ZKSCAN2: variants seen among roughly 807,000 people sequenced by gnomAD.
ZKSCAN2 encodes zinc finger with KRAB and SCAN domains 2.
A neutral mutation model predicts 90.5 loss-of-function variants in ZKSCAN2; 38 were observed. The observed-to-expected ratio is 0.42, with a 90% CI of 0.32 to 0.55. The LOEUF (loss-of-function observed/expected upper bound fraction) is 0.55. Among genes scored for constraint, ZKSCAN2 ranks in the 20% least tolerant of loss-of-function variants. The pLI, the probability that ZKSCAN2 is intolerant of heterozygous loss-of-function variation, is 0.11. For synonymous variants in ZKSCAN2, 429 were observed against 421.6 expected (o/e 1.02, Z -0.22); for missense variants, 1,167 against 1,202.6 (o/e 0.97, Z 0.44).
chr16:25,243,911 A>T lies in ZKSCAN2; in HGVS notation c.1855T>A (p.Trp619Arg), dbSNP rs1393650192. The T allele has an allele frequency of 6.2e-7, 1 of 1,614,024 alleles. No homozygotes were observed. Among genetic ancestry groups the T allele is most frequent in the Non-Finnish European group, 8.5e-7 (1 of 1,180,030 alleles). Residue 619 changes from tryptophan (W) to arginine (R), a missense_variant, in exon 6 of 7, where the codon TGG becomes AGG. Transcript: ENST00000328086. ...IEVEPQEPTG[W>R]EPEETSQEAV... is the part of the protein sequence containing the mutation. ...TCCTGTGAGGTCTCTTCAGGTTCCC[A>T]GCCTGTAGGTTCCTGGGGTTCAACC...
Position 25,239,677 on chromosome 16 carries a change from A to G in ZKSCAN2, c.*139T>C, listed in dbSNP as rs939469626. The G allele has an allele frequency of 4.3e-6, 3 of 705,396 alleles. No homozygotes were observed. The highest frequency in any genetic ancestry group is 6.9e-6 in the Non-Finnish European group (3 of 433,374). 43.7% of individuals were successfully genotyped at this position (705,396 alleles called of 1,614,324 possible). ...TGATGAAGTTAGAGGCAGAGGTGAG[A>G]ACAGGATGAAAGTGTTTAGTTTATT... is the stretch of plus-strand genomic sequence containing the variant. On this transcript the variant is annotated 3_prime_UTR_variant, in exon 7 of 7. Coordinates refer to ENST00000328086, the MANE Select transcript of ZKSCAN2 (RefSeq NM_001012981.5).
At position 25,238,220 on chromosome 16, in the gene ZKSCAN2, G is replaced by A. The variant is rs1246551978; in HGVS notation, c.*1596C>T. 6.6e-6 allele frequency: 1 copy of A among 152,220 alleles called. No individual in the cohort carries two copies. Among genetic ancestry groups the A allele is most frequent in the African/African-American group, 2.4e-5 (1 of 41,444 alleles). 9.4% of individuals were successfully genotyped at this position (152,220 alleles called of 1,614,324 possible). Reference sequence around the variant, plus strand: ...CAGATGGCTTCAAATAAGAGCATTTGACAAAGAAAGGGAGAGAGAAGAGCA... The same window carrying A: ...CAGATGGCTTCAAATAAGAGCATTTAACAAAGAAAGGGAGAGAGAAGAGCA... On this transcript the variant is annotated 3_prime_UTR_variant, in exon 7 of 7. Coordinates refer to ENST00000328086, the MANE Select transcript of ZKSCAN2 (RefSeq NM_001012981.5).
In ZKSCAN2 at chr16:25,236,169, A is replaced by G. The variant is rs1215531299; in HGVS notation, c.*3647T>C. 4 of 152,268 alleles carry G rather than the reference A, an allele frequency of 2.6e-5. No homozygotes were observed. The highest frequency in any genetic ancestry group is 2.0e-4 in the Admixed American group (3 of 15,290). The allele number at this position is 152,268 out of a possible 1,614,324, so 9.4% of individuals were successfully genotyped here. ...AGGCTTCCAGTTTCACAAGTTACTC[A>G]GACATTCCTTTAGCCAGGGCTGCCC... On this transcript the variant is annotated 3_prime_UTR_variant, in exon 7 of 7. Transcript: ENST00000328086.
chr16:25,253,827 G>C lies in ZKSCAN2; in HGVS notation c.587-790C>G, dbSNP rs111703230. The stretch of plus-strand genomic sequence containing the variant: ...GTTCAAGACCAGCCTGGTCAACATG[G>C]TGAAACCCCATCTCTACTAAAAATA... On this transcript the variant is annotated intron_variant, in intron 2 of 6. Transcript: ENST00000328086. Among the ~76,000 whole-genome samples, 313 of 152,238 alleles carry C rather than the reference G, an allele frequency of 2.1e-3. 1 individual carries two copies. Among genetic ancestry groups the C allele is most frequent in the South Asian group, 6.0e-3 (29 of 4,820 alleles).
intron 4 of ZKSCAN2, among the ~76,000 whole-genome samples, chr16:25,250,932 T>G (rs1035887867): frequency 2.6e-5 from 4 of 152,060 alleles, no homozygotes; most frequent in African/African-American, 9.7e-5. Flanking sequence ...AATTTTGTAT[T>G]TTTAGTACAG....
rs529205973 is a variant in ZKSCAN2 at position 25,243,939 on chromosome 16, A to T, written c.1827T>A (p.Ile609=). ...CTGTAGGTTCCTGGGGTTCAACCTC[A>T]ATACCCCCTCTTTCTTGCCTTGAAG... The part of the protein sequence containing the change: ...PSPSRQERGG[I]EVEPQEPTGW... The change falls in exon 6 of 7, where the codon ATT becomes ATA. Residue 609 remains isoleucine (I), a synonymous_variant. Coordinates refer to ENST00000328086, the MANE Select transcript of ZKSCAN2 (RefSeq NM_001012981.5). 4 of 1,614,126 alleles carry T rather than the reference A, an allele frequency of 2.5e-6. No homozygotes were observed. In the South Asian group the frequency reaches 4.4e-5, roughly 18 times the overall value.
Position 25,256,773 on chromosome 16 carries a change from G to C in ZKSCAN2, c.355C>G (p.Leu119Val). 6.2e-7 allele frequency: 1 copy of C among 1,614,054 alleles called. No homozygotes were observed. Among genetic ancestry groups the C allele is most frequent in the Non-Finnish European group, 8.5e-7 (1 of 1,180,000 alleles). ...GTCTCTTTCTCCAAATGCACTACCA[G>C]GGCCACCGCTTCCTCTCCACTTTGC... ...CPQSGEEAVA[L>V]VVHLEKETGR... is the part of the protein sequence containing the mutation. Residue 119 changes from leucine to valine, a missense_variant, in exon 1 of 7, where the codon CTG (leucine) becomes GTG (valine). Coordinates refer to ENST00000328086, the MANE Select transcript of ZKSCAN2 (RefSeq NM_001012981.5).
At chr16:25,242,482 G>A (rs1432524246) in intron 6 of ZKSCAN2, among the ~76,000 whole-genome samples, 4 of 152,088 alleles carry the variant, frequency 2.6e-5, no homozygotes, top group African/African-American at 9.7e-5. Context: ...ATGGGAAGAC[G>A]GAGCTCCTGT....
At position 25,247,136 on chromosome 16, in the gene ZKSCAN2, T is replaced by C. The variant is rs201142510; in HGVS notation, c.1060A>G (p.Ile354Val). 2 of 1,614,192 alleles carry C rather than the reference T, an allele frequency of 1.2e-6. No homozygotes were observed. The highest frequency in any genetic ancestry group is 1.1e-5 in the South Asian group (1 of 91,086). Reference protein sequence around the residue: ...SYEETKTFLAILKESRFYETL... With the variant: ...SYEETKTFLAVLKESRFYETL... ...TCATAAAAGCGAGACTCTTTGAGAA[T>C]TGCCAGGAAAGTCTTTGTTTCCTCA... The change falls in exon 5 of 7, where the codon ATT (isoleucine) becomes GTT (valine). Residue 354 changes from isoleucine to valine, a missense_variant. Coordinates refer to ENST00000328086, the MANE Select transcript of ZKSCAN2 (RefSeq NM_001012981.5).
intron 5 of ZKSCAN2, among the ~76,000 whole-genome samples, chr16:25,245,468 T>C (rs894537823): frequency 1.3e-5 from 2 of 152,124 alleles, no homozygotes; most frequent in African/African-American, 4.8e-5. Context: ...TTTTCCATTC[T>C]ATGTAAGAAT....
chr16:25,257,458 A>G lies in ZKSCAN2; in HGVS notation c.-331T>C. 1 of 1,038,254 alleles carries G rather than the reference A, an allele frequency of 9.6e-7. No homozygotes were observed. Among genetic ancestry groups the G allele is most frequent in the Non-Finnish European group, 1.2e-6 (1 of 865,604 alleles). 64.3% of individuals were successfully genotyped at this position (1,038,254 alleles called of 1,614,324 possible). ...GAGAAAAATGAAGCAGGCTGAGGAA[A>G]GGCTGGGCGGAGGCGGACAGCCGGG... is the stretch of plus-strand genomic sequence containing the variant. On this transcript the variant is annotated 5_prime_UTR_variant, in exon 1 of 7. Coordinates refer to ENST00000328086, the MANE Select transcript of ZKSCAN2 (RefSeq NM_001012981.5).
chr16:25,237,039 G>A lies in ZKSCAN2; in HGVS notation c.*2777C>T, dbSNP rs149890237. 1.9e-4 allele frequency: 25 copies of A among 134,546 alleles called. No homozygotes were observed. The East Asian group carries it at 4.0e-3, about 22-fold the overall frequency. 8.3% of individuals were successfully genotyped at this position (134,546 alleles called of 1,614,324 possible). ...TTAAGTTACAAAAATCACAGTGTTT[G>A]TAATACATACATACAGATCTACACA... On this transcript the variant is annotated 3_prime_UTR_variant, in exon 7 of 7. Transcript: ENST00000328086.
chr16:25,243,753 T>G, intron 6 of ZKSCAN2, 32 bp downstream of exon 6: 1 of 1,564,972 alleles, frequency 6.4e-7, no homozygotes, highest in Admixed American at 2.0e-5. Context: ...TATTCCTCTT[T>G]TGGACTAAAA....
intron 6 of ZKSCAN2, among the ~76,000 whole-genome samples, 159 bp from the exon 7 acceptor site, chr16:25,240,897 TA>T (rs1376255935): frequency 6.6e-6 from 1 of 152,216 alleles, no homozygotes; most frequent in Non-Finnish European, 1.5e-5. Flanking sequence ...TTTCCATTCA[TA>T]AACAGGCCAA....
At chr16:25,245,970 T>C (rs979387403) in intron 5 of ZKSCAN2, among the ~76,000 whole-genome samples, 4 of 152,174 alleles carry the variant, frequency 2.6e-5, no homozygotes, top group African/African-American at 9.7e-5. Flanking sequence ...TCAAAGTAGT[T>C]ACGTGATGTG....
At chr16:25,254,656 T>C (rs1260758338) in intron 2 of ZKSCAN2, among the ~76,000 whole-genome samples, 1 of 152,186 alleles carries the variant, frequency 6.6e-6, no homozygotes, top group Non-Finnish European at 1.5e-5. Flanking sequence ...CTTGAACTCC[T>C]GGCTTCAAGA....
chr16:25,252,891 G>A (rs558970059), intron 3 of ZKSCAN2, 55 bp downstream of exon 3: 95 of 1,424,638 alleles, frequency 6.7e-5, no homozygotes, highest in African/African-American at 1.4e-4. Flanking sequence ...GTACTCCACC[G>A]TGGGTGACAG....
intron 4 of ZKSCAN2, among the ~76,000 whole-genome samples, chr16:25,249,325 G>A (rs1962984490): frequency 6.6e-6 from 1 of 152,110 alleles, no homozygotes; most frequent in African/African-American, 2.4e-5. Context: ...TTGAGACAGA[G>A]TGAGCCCAGG....
rs1394885576 is a variant in ZKSCAN2, at chr16:25,252,684, C to T, written c.678+262G>A. On this transcript the variant is annotated intron_variant, in intron 3 of 6. Transcript: ENST00000328086. ...ATCCCAGCACTTTGGGAGGCCGGGTCGGGCGGGTCACTTGAAGTCAGGAGT... is the reference window on the plus strand; with the variant it reads ...ATCCCAGCACTTTGGGAGGCCGGGTTGGGCGGGTCACTTGAAGTCAGGAGT... 2.6e-5 allele frequency among the ~76,000 whole-genome samples: 4 copies of T among 152,018 alleles called. No homozygotes were observed. The East Asian group carries it at 5.8e-4, about 22-fold the overall frequency.
Sources: gnomAD v4.1 joint callset for allele counts (sites outside exome capture counted in the v4.1 genomes callset) on GRCh38, gnomAD v4.1.1 for gene constraint, MANE v1.5 for transcripts, NCBI Gene and HGNC (gene_info 2026-07-23, HGNC 2026-07-21) for gene names.